XKR9: variants seen among roughly 807,000 people sequenced by gnomAD.
XKR9 encodes the protein XK related 9.
Under a neutral mutation model 32.0 loss-of-function variants are expected in XKR9, and 32 were observed. The ratio of observed to expected loss-of-function variants is 1.00; its 90% CI spans 0.76 to 1.34. The LOEUF (loss-of-function observed/expected upper bound fraction) is 1.34. XKR9 is among the 40% of genes most tolerant of loss of function. The pLI, the probability that XKR9 is intolerant of heterozygous loss-of-function variation, is 0.00. For missense variants in XKR9, 546 were observed against 429.7 expected (o/e 1.27, Z -2.39); for synonymous variants, 168 against 143.4 (o/e 1.17, Z -1.22).
the XKR9 span, among the ~76,000 whole-genome samples, chr8:70,829,087 A>C: frequency 6.6e-6 from 1 of 152,216 alleles, no homozygotes; most frequent in African/African-American, 2.4e-5. Context: ...CTTTATTGTC[A>C]TATAGGCTTT....
the XKR9 span, among the ~76,000 whole-genome samples, chr8:70,797,605 G>A: frequency 1.3e-5 from 2 of 151,698 alleles, no homozygotes; most frequent in Non-Finnish European, 2.9e-5. Context: ...ACAATGTGCA[G>A]GTGTGTGAAA....
chr8:70,834,245 C>G, the XKR9 span, among the ~76,000 whole-genome samples: 81,264 of 151,824 alleles, frequency 0.54, 22,770 homozygotes, highest in Middle Eastern at 0.62. Flanking sequence ...TGTTATGTTT[C>G]AGAGATTTGA....
At chr8:71,004,983 C>A in the XKR9 span, among the ~76,000 whole-genome samples, 1 of 148,854 alleles carries the variant, frequency 6.7e-6, no homozygotes, top group Non-Finnish European at 1.5e-5. Context: ...GATTGTGCCA[C>A]CATGTTAATC....
the XKR9 span, among the ~76,000 whole-genome samples, chr8:71,062,143 T>G: frequency 1.3e-5 from 2 of 152,228 alleles, no homozygotes; most frequent in South Asian, 4.1e-4. Context: ...TGATAGAGCC[T>G]CTGGCTGTTG....
the XKR9 span, among the ~76,000 whole-genome samples, chr8:70,807,585 G>A: frequency 1.7e-3 from 257 of 151,984 alleles, no homozygotes; most frequent in Non-Finnish European, 2.6e-3. Flanking sequence ...CAAGCAAATG[G>A]AAAGCAAAAA....
At chr8:70,840,850 T>C in the XKR9 span, among the ~76,000 whole-genome samples, 1 of 152,188 alleles carries the variant, frequency 6.6e-6, no homozygotes, top group Non-Finnish European at 1.5e-5. Flanking sequence ...GGTTGATTTT[T>C]ACTCTTTTTA....
chr8:70,766,861 G>A (rs1417164156), intron 2 of XKR9, among the ~76,000 whole-genome samples: 1 of 152,146 alleles, frequency 6.6e-6, no homozygotes. Flanking sequence ...TAATCATGTG[G>A]TTTTTGTCAT....
At position 70,707,096 on chromosome 8, in the gene XKR9, C is replaced by T. The variant is rs766320935; in HGVS notation, c.436C>T (p.Gln146Ter). ...TGAGACCTACCTGGAAGGCTGCCCACAACTTATTCTTCAACTCTACATTCT... is the reference window on the plus strand; with the variant it reads ...TGAGACCTACCTGGAAGGCTGCCCATAACTTATTCTTCAACTCTACATTCT... ...LFETYLEGCPQLILQLYILLE... is the reference protein window; with the variant it reads ...LFETYLEGCP The change falls in exon 4 of 5, where the codon CAA (glutamine) becomes TAA (stop). Residue 146 changes from glutamine (Q) to a stop codon, truncating the protein, a stop_gained. Transcript: ENST00000408926. LOFTEE classifies it high-confidence loss of function. The T allele has an allele frequency of 5.0e-6, 8 of 1,613,412 alleles. No homozygotes were observed. Among genetic ancestry groups the T allele is most frequent in the Non-Finnish European group, 6.8e-6 (8 of 1,179,494 alleles).
the XKR9 span, among the ~76,000 whole-genome samples, chr8:71,034,416 C>A: frequency 6.6e-6 from 1 of 152,186 alleles, no homozygotes; most frequent in African/African-American, 2.4e-5. Context: ...AGCTGTGAGT[C>A]GATTAAACCT....
At chr8:70,991,856 A>G in the XKR9 span, among the ~76,000 whole-genome samples, 1 of 152,218 alleles carries the variant, frequency 6.6e-6, no homozygotes, top group Non-Finnish European at 1.5e-5. Flanking sequence ...TGGTAGAACA[A>G]TCAGCTTGGT....
the XKR9 span, among the ~76,000 whole-genome samples, chr8:71,024,338 GAC>G: frequency 6.6e-6 from 1 of 152,248 alleles, no homozygotes; most frequent in East Asian, 1.9e-4. Flanking sequence ...TAGTGTGCAG[GAC>G]ACAGTGTGGA....
chr8:70,776,919 T>TCTCTCTCTCTCTCTCTC lies in XKR9; in HGVS notation n.353-12420_353-12419insCTCTCTCTCTCTCTCTC, dbSNP rs1466163794. 1.6e-3 allele frequency among the ~76,000 whole-genome samples: 113 copies of TCTCTCTCTCTCTCTCTC among 70,306 alleles called. 10 individuals are homozygous for TCTCTCTCTCTCTCTCTC. Among genetic ancestry groups the TCTCTCTCTCTCTCTCTC allele is most frequent in the Admixed American group, 2.4e-3 (15 of 6,144 alleles). 46.1% of individuals were successfully genotyped at this position (70,306 alleles called of 152,430 possible). On this transcript the variant is annotated intron_variant and non_coding_transcript_variant, in intron 2 of 3. Coordinates refer to the XKR9 transcript ENST00000520273. ...ACCTTGCATTTAGCAGGTTTTCTCT[T>TCTCTCTCTCTCTCTCTC]TCTTTCTCTCTCTCTCTCTCTCTCT...
chr8:70,687,852 GTTTTA>G (rs1272854019), intron 3 of XKR9, among the ~76,000 whole-genome samples: 2 of 151,972 alleles, frequency 1.3e-5, no homozygotes, highest in African/African-American at 2.4e-5. Flanking sequence ...ATTCAGACTT[GTTTTA>G]TTGTCTAACA....
At chr8:70,744,701 G>T (rs1348147107) in intron 2 of XKR9, among the ~76,000 whole-genome samples, 1 of 152,212 alleles carries the variant, frequency 6.6e-6, no homozygotes, top group Non-Finnish European at 1.5e-5. Flanking sequence ...CACCTCCTGG[G>T]TTCGCGTGAT....
chr8:70,924,933 G>A, the XKR9 span, among the ~76,000 whole-genome samples: 438 of 152,234 alleles, frequency 2.9e-3, 1 homozygote, highest in Non-Finnish European at 5.2e-3. Context: ...GCTGGGATAT[G>A]GGCTCTCCAA....
At chr8:70,856,769 C>T in the XKR9 span, among the ~76,000 whole-genome samples, 4 of 152,168 alleles carry the variant, frequency 2.6e-5, no homozygotes, top group African/African-American at 9.7e-5. Flanking sequence ...TTATAACAAA[C>T]CATCTCTCAG....
chr8:71,014,284 G>A, the XKR9 span, among the ~76,000 whole-genome samples: 20 of 152,030 alleles, frequency 1.3e-4, no homozygotes, highest in African/African-American at 4.1e-4. Flanking sequence ...TTCATTTTCC[G>A]GGGCTGCTGT....
the XKR9 span, among the ~76,000 whole-genome samples, chr8:70,989,494 A>G: frequency 6.6e-6 from 1 of 152,122 alleles, no homozygotes; most frequent in Non-Finnish European, 1.5e-5. Flanking sequence ...CCTTTTTCCA[A>G]GGGTCTAGTT....
At chr8:70,914,474 AT>A in the XKR9 span, among the ~76,000 whole-genome samples, 1 of 151,914 alleles carries the variant, frequency 6.6e-6, no homozygotes, top group Non-Finnish European at 1.5e-5. Context: ...TTTCATTTTT[AT>A]TTACTTTTAG....
Sources: gnomAD v4.1 joint callset for allele counts (sites outside exome capture counted in the v4.1 genomes callset) on GRCh38, gnomAD v4.1.1 for gene constraint, MANE v1.5 for transcripts, NCBI Gene and HGNC (gene_info 2026-07-23, HGNC 2026-07-21) for gene names.